The following ASIC2 variants were observed in gnomAD, a reference collection of about 807,000 sequenced individuals.
ASIC2 encodes acid sensing ion channel subunit 2, also known as acid-sensing ion channel 2.
ASIC2 carries 25 observed loss-of-function variants against 57.3 expected under a neutral mutation model. That is an observed-to-expected ratio of 0.44 (90% CI 0.32 to 0.61). The LOEUF (loss-of-function observed/expected upper bound fraction) is 0.61. Ranked by LOEUF, ASIC2 falls within the 20% of genes least tolerant of loss-of-function variation. ASIC2 has a pLI of 0.06. For synonymous variants in ASIC2, 319 were observed against 307.5 expected (o/e 1.04, Z -0.39); for missense variants, 641 against 738.1 (o/e 0.87, Z 1.52).
intron 1 of ASIC2, among the ~76,000 whole-genome samples, chr17:33,113,881 C>T: frequency 6.6e-6 from 1 of 152,226 alleles, no homozygotes; most frequent in Admixed American, 6.5e-5. Flanking sequence ...CACATGTGCC[C>T]TTTCTGCTGT....
chr17:33,389,025 T>C lies in ASIC2; in HGVS notation c.556-276958A>G, dbSNP rs935300375. On this transcript the variant is annotated intron_variant, in intron 1 of 9. Transcript: ENST00000359872. ...CCCAGGCTGGAGTGCAGTGGCACAA[T>C]CTTGGCTCACTGCAACCTCTGCCTC... Among the ~76,000 whole-genome samples the C allele has an allele frequency of 2.0e-5, 3 of 152,212 alleles. 1 individual carries two copies. The South Asian group carries it at 6.2e-4, about 31-fold the overall frequency.
At chr17:34,128,931 G>C (rs562837949) in intron 1 of ASIC2, among the ~76,000 whole-genome samples, 1 of 151,976 alleles carries the variant, frequency 6.6e-6, no homozygotes, top group Non-Finnish European at 1.5e-5. Context: ...TTGGGGTTTC[G>C]GCTAGTTATT....
chr17:34,108,682 G>A (rs1911154931), intron 1 of ASIC2, among the ~76,000 whole-genome samples: 1 of 152,064 alleles, frequency 6.6e-6, no homozygotes, highest in Non-Finnish European at 1.5e-5. Context: ...TCATATCATT[G>A]TTGATTCTTT....
At chr17:33,794,225 T>C (rs1911851767) in intron 1 of ASIC2, 1 of 152,132 alleles carries the variant, frequency 6.6e-6, no homozygotes, top group East Asian at 1.9e-4. Flanking sequence ...GGCCCTAAAT[T>C]TGTACCTAGA....
intron 9 of ASIC2, among the ~76,000 whole-genome samples, chr17:33,015,658 C>T (rs943660687): frequency 1.3e-5 from 2 of 152,212 alleles, no homozygotes; most frequent in African/African-American, 4.8e-5. Context: ...AGAGCCTGTC[C>T]AGTTCTCCCC....
At chr17:33,571,640 C>T (rs973054927) in intron 1 of ASIC2, among the ~76,000 whole-genome samples, 5 of 152,208 alleles carry the variant, frequency 3.3e-5, no homozygotes. Flanking sequence ...CCTCTTTGCT[C>T]CCATTTGATA....
At chr17:33,152,042 G>A (rs1904822271) in intron 1 of ASIC2, among the ~76,000 whole-genome samples, 1 of 152,000 alleles carries the variant, frequency 6.6e-6, no homozygotes, top group Non-Finnish European at 1.5e-5. Flanking sequence ...ACTGATTAAG[G>A]GTCTACCATT....
At chr17:33,912,265 T>C (rs1053382920) in intron 1 of ASIC2, among the ~76,000 whole-genome samples, 80 of 149,248 alleles carry the variant, frequency 5.4e-4, no homozygotes, top group African/African-American at 1.8e-3. Context: ...GGCTGAGGCA[T>C]GTGGATCACC....
chr17:34,116,168 T>G (rs1454037667), intron 1 of ASIC2, among the ~76,000 whole-genome samples: 1 of 152,184 alleles, frequency 6.6e-6, no homozygotes, highest in East Asian at 1.9e-4. Context: ...TCCCTCTCAA[T>G]TCAATGGGCA....
chr17:33,882,565 C>G (rs545169582), intron 1 of ASIC2, among the ~76,000 whole-genome samples: 7 of 152,290 alleles, frequency 4.6e-5, no homozygotes, highest in Admixed American at 1.3e-4. Context: ...AATGAGATAC[C>G]ATCTCACACC....
chr17:33,913,977 AGAAAATAGAGCT>A (rs1475513698), intron 1 of ASIC2, among the ~76,000 whole-genome samples: 6 of 152,238 alleles, frequency 3.9e-5, no homozygotes, highest in African/African-American at 1.2e-4. Context: ...TGGGTTGTCC[AGAAAATAGAGCT>A]CAGAGCCAAG....
intron 1 of ASIC2, among the ~76,000 whole-genome samples, chr17:33,797,116 G>A (rs183947313): frequency 5.9e-5 from 9 of 152,252 alleles, no homozygotes; most frequent in Admixed American, 2.6e-4. Flanking sequence ...CACCCCTGAC[G>A]CAGTGCCCAG....
intron 4 of ASIC2, 142 bp from the exon 5 acceptor site, chr17:33,026,124 G>T (rs1487992530): frequency 2.4e-5 from 19 of 806,964 alleles, no homozygotes; most frequent in Middle Eastern, 3.3e-4. Context: ...TTCGAAGGGA[G>T]CCTTGGATCA....
chr17:33,444,056 T>C (rs62068186), intron 1 of ASIC2, among the ~76,000 whole-genome samples: 29,355 of 152,184 alleles, frequency 0.19, 3,600 homozygotes, highest in Non-Finnish European at 0.26. Flanking sequence ...ACTCCCTCTG[T>C]TCTTACCTGA....
chr17:34,009,996 G>A (rs1485904952), intron 1 of ASIC2, among the ~76,000 whole-genome samples: 5 of 152,166 alleles, frequency 3.3e-5, no homozygotes, highest in Non-Finnish European at 5.9e-5. Context: ...ACATCCAGGC[G>A]GAAATGAAAT....
At chr17:34,097,541 T>C (rs995781908) in intron 1 of ASIC2, among the ~76,000 whole-genome samples, 21 of 152,174 alleles carry the variant, frequency 1.4e-4, no homozygotes, top group African/African-American at 5.1e-4. Flanking sequence ...TGGAGTAGGA[T>C]GGGCTCCATT....
chr17:33,750,106 C>T (rs968846759), intron 1 of ASIC2, among the ~76,000 whole-genome samples: 1 of 152,150 alleles, frequency 6.6e-6, no homozygotes. Context: ...AGCCACTCCG[C>T]TAGGTGTAGG....
intron 1 of ASIC2, among the ~76,000 whole-genome samples, chr17:33,125,694 T>C (rs1597590483): frequency 6.6e-6 from 1 of 152,258 alleles, no homozygotes; most frequent in Admixed American, 6.5e-5. Flanking sequence ...CATGGATTCA[T>C]GCACATTAAC....
At chr17:33,102,395 TAA>T (rs1555570466) in intron 2 of ASIC2, among the ~76,000 whole-genome samples, 2 of 152,222 alleles carry the variant, frequency 1.3e-5, no homozygotes, top group Non-Finnish European at 2.9e-5. Flanking sequence ...CCAGAAACTT[TAA>T]AGATTTTTTT....
Sources: allele counts gnomAD v4.1 joint callset (sites outside exome capture counted in the v4.1 genomes callset), GRCh38; gene constraint gnomAD v4.1.1; transcripts MANE v1.5; gene names NCBI Gene and HGNC (gene_info 2026-07-23, HGNC 2026-07-21).